Variants in SLIT3 observed in about 807,000 individuals in gnomAD.
SLIT3 encodes slit homolog 3 protein.
In SLIT3, 68 loss-of-function variants were observed where a neutral mutation model predicts 184.0. The ratio of observed to expected loss-of-function variants is 0.37; its 90% confidence interval spans 0.30 to 0.45. SLIT3 has a LOEUF of 0.45. Among genes scored for constraint, SLIT3 ranks in the 20% least tolerant of loss-of-function variants. SLIT3 has a pLI of 1.00. For missense variants in SLIT3, 1,707 were observed against 2,026.0 expected (o/e 0.84, Z 3.02); for synonymous variants, 831 against 828.6 (o/e 1.00, Z -0.05).
In SLIT3 at chr5:168,772,823, T is replaced by C; in HGVS notation, c.1417A>G (p.Lys473Glu). The C allele has an allele frequency of 6.2e-7, 1 of 1,614,022 alleles. No homozygotes were observed. Among genetic ancestry groups the C allele is most frequent in the Non-Finnish European group, 8.5e-7 (1 of 1,179,994 alleles). ...RCSSPRRLANKRISQIKSKKF... is the reference protein window; with the variant it reads ...RCSSPRRLANERISQIKSKKF... ...TTGCTCTTGATCTGGCTGATGCGCT[T>C]GTTGGCGAGTCGGCGCGGGCTGCTG... The change falls in exon 14 of 36, where the codon AAG becomes GAG. Residue 473 changes from lysine to glutamate, a missense_variant. Physicochemically the swap from Lys to Glu is moderately conservative, Grantham distance 56. Around this residue, in one of 3 missense-constraint regions of SLIT3, gnomAD observed 1,307 missense variants for 1,511.6 expected, o/e 0.86. Coordinates refer to ENST00000519560, the MANE Select transcript of SLIT3 (RefSeq NM_003062.4).
chr5:169,199,891 GCACA>G (rs1471975693), intron 3 of SLIT3, among the ~76,000 whole-genome samples: 1 of 152,134 alleles, frequency 6.6e-6, no homozygotes, highest in Non-Finnish European at 1.5e-5. Flanking sequence ...ACAGCATCAG[GCACA>G]CAAAGAACCT....
intron 4 of SLIT3, among the ~76,000 whole-genome samples, chr5:169,049,705 A>T (rs1290141655): frequency 6.6e-6 from 1 of 152,220 alleles, no homozygotes; most frequent in Non-Finnish European, 1.5e-5. Flanking sequence ...GGTAAGGACA[A>T]GTGACATTAA....
chr5:168,867,954 C>G (rs1025226384), intron 5 of SLIT3, among the ~76,000 whole-genome samples: 1 of 152,224 alleles, frequency 6.6e-6, no homozygotes, highest in Non-Finnish European at 1.5e-5. Flanking sequence ...GAATGGGACC[C>G]ACAGATGACT....
intron 33 of SLIT3, among the ~76,000 whole-genome samples, chr5:168,671,732 A>C (rs1341258091): frequency 6.6e-6 from 1 of 152,184 alleles, no homozygotes; most frequent in Non-Finnish European, 1.5e-5. Flanking sequence ...TCCCATAAAA[A>C]TTTGTATCTT....
rs112018305 is a variant in SLIT3 at position 169,177,647 on chromosome 5, G to C, written c.413+15832C>G. Among the ~76,000 whole-genome samples, 1,297 of 152,260 alleles carry C rather than the reference G, an allele frequency of 8.5e-3. 17 individuals carry two copies. The highest frequency in any genetic ancestry group is 0.027 in the African/African-American group (1,115 of 41,530). On this transcript the variant is annotated intron_variant, in intron 4 of 35. Transcript: ENST00000519560. ...CTGGGGTCTTTTCTTAAATACAAAG[G>C]CTCCTTATAAAGGAGAAGTAACTAT... is the stretch of plus-strand genomic sequence containing the variant.
intron 4 of SLIT3, among the ~76,000 whole-genome samples, chr5:169,155,465 G>T (rs1417798748): frequency 6.6e-6 from 1 of 152,174 alleles, no homozygotes; most frequent in African/African-American, 2.4e-5. Flanking sequence ...TAAACCTTTT[G>T]TCCTAGGTAA....
chr5:168,930,348 GGT>G (rs1182775134), intron 4 of SLIT3, among the ~76,000 whole-genome samples: 2 of 152,188 alleles, frequency 1.3e-5, no homozygotes, highest in Non-Finnish European at 2.9e-5. Flanking sequence ...CAGAGAAAAA[GGT>G]GTATATTCAA....
At chr5:168,806,409 G>A in intron 9 of SLIT3, 37 bp downstream of exon 9, 2 of 1,612,796 alleles carry the variant, frequency 1.2e-6, no homozygotes, top group Non-Finnish European at 1.7e-6. Context: ...GAATTCTCCG[G>A]CGACAGTTGT....
At chr5:168,923,516 CT>C (rs35732966) in intron 4 of SLIT3, among the ~76,000 whole-genome samples, 17,679 of 134,204 alleles carry the variant, frequency 0.13, 1,235 homozygotes, top group African/African-American at 0.28. Flanking sequence ...TCCTAAATAT[CT>C]TTTTTTTTTT....
chr5:169,224,366 A>ATTAT (rs1216053818), intron 3 of SLIT3, among the ~76,000 whole-genome samples: 1 of 117,082 alleles, frequency 8.5e-6, no homozygotes, highest in Non-Finnish European at 1.8e-5. Context: ...AAAATTTTTT[A>ATTAT]TTATTTATTT....
intron 2 of SLIT3, among the ~76,000 whole-genome samples, chr5:169,247,665 T>G (rs577231418): frequency 6.0e-5 from 9 of 150,302 alleles, no homozygotes; most frequent in Non-Finnish European, 8.9e-5. Flanking sequence ...CATCAAGAAG[T>G]TTTTTTTTTC....
chr5:168,839,923 C>A lies in SLIT3; in HGVS notation c.557+4661G>T, dbSNP rs1758185100. Among the ~76,000 whole-genome samples, 5 of 152,272 alleles carry A rather than the reference C, an allele frequency of 3.3e-5. No individual in the cohort carries two copies. In the South Asian group the frequency reaches 1.0e-3, roughly 32 times the overall value. On this transcript the variant is annotated intron_variant, in intron 6 of 35. Transcript: ENST00000519560. ...GGCAAGTCTCCTAGCCAGGGCCAGG[C>A]CTAGGGTGAACCAGGCGAGGTGCTC...
intron 20 of SLIT3, among the ~76,000 whole-genome samples, chr5:168,747,028 T>C: frequency 6.6e-6 from 1 of 151,576 alleles, no homozygotes; most frequent in East Asian, 1.9e-4. Flanking sequence ...TGTGGGTTTG[T>C]GGGTGTGTTG....
intron 1 of SLIT3, among the ~76,000 whole-genome samples, chr5:169,274,398 A>C (rs1253549766): frequency 2.0e-5 from 3 of 152,250 alleles, no homozygotes; most frequent in Non-Finnish European, 2.9e-5. Context: ...AAATCGAAAG[A>C]AGCATTAAGT....
chr5:168,939,093 G>A (rs1762252739), intron 4 of SLIT3, among the ~76,000 whole-genome samples: 2 of 152,260 alleles, frequency 1.3e-5, no homozygotes, highest in Non-Finnish European at 1.5e-5. Context: ...GGGCGCCTTG[G>A]GAGAAGCATG....
At chr5:169,044,584 A>AGG (rs1757560144) in intron 4 of SLIT3, among the ~76,000 whole-genome samples, 1 of 20,174 alleles carries the variant, frequency 5.0e-5, no homozygotes, top group African/African-American at 1.9e-4. Flanking sequence ...GGCTGGAGGA[A>AGG]GGTGGGGGGG....
intron 11 of SLIT3, among the ~76,000 whole-genome samples, chr5:168,787,165 T>C (rs73308259): frequency 0.011 from 1,689 of 152,320 alleles, 41 homozygotes; most frequent in African/African-American, 0.038. Context: ...GTCAGCATGA[T>C]AGCTCAGGCA....
At chr5:169,088,942 C>T (rs1434279776) in intron 4 of SLIT3, among the ~76,000 whole-genome samples, 1 of 139,484 alleles carries the variant, frequency 7.2e-6, no homozygotes, top group Non-Finnish European at 1.5e-5. Context: ...ATCGCTCGTA[C>T]CTGGGAGGCA....
chr5:168,975,973 G>A (rs139429620), intron 4 of SLIT3, among the ~76,000 whole-genome samples: 4 of 152,232 alleles, frequency 2.6e-5, no homozygotes, highest in Admixed American at 6.5e-5. Context: ...AGGGAGTGTC[G>A]ATTTTAAACA....
Sources: gnomAD v4.1 joint callset for allele counts (sites outside exome capture counted in the v4.1 genomes callset) on GRCh38, gnomAD v4.1.1 for gene constraint, gnomAD v4.1.1 regional missense constraint, MANE v1.5 for transcripts, NCBI Gene and HGNC (gene_info 2026-07-23, HGNC 2026-07-21) for gene names.